The following SLC9B1 variants were observed in gnomAD, a reference collection of about 807,000 sequenced individuals.
The protein encoded by SLC9B1 is sodium/hydrogen exchanger 9B1.
Under a neutral mutation model 51.7 loss-of-function variants are expected in SLC9B1, and 32 were observed. The ratio of observed to expected loss-of-function variants is 0.62; its 90% CI spans 0.47 to 0.83. The LOEUF (loss-of-function observed/expected upper bound fraction) is 0.83. Ranked by LOEUF, SLC9B1 falls within the 40% of genes least tolerant of loss-of-function variation. The pLI, the probability that SLC9B1 is intolerant of heterozygous loss-of-function variation, is 0.00. For synonymous variants in SLC9B1, 145 were observed against 212.7 expected, an observed-to-expected ratio of 0.68 and a Z score of 2.77; for missense variants, 406 against 613.2, an observed-to-expected ratio of 0.66 and a Z score of 3.57.
chr4:102,999,976 C>T (rs1319254583), intron 1 of SLC9B1, among the ~76,000 whole-genome samples: 1 of 152,190 alleles, frequency 6.6e-6, no homozygotes, highest in East Asian at 1.9e-4. Context: ...CAAGGACCCT[C>T]TTCACATGGT....
At chr4:102,912,885 A>AAT (rs1469491085) in intron 7 of SLC9B1, among the ~76,000 whole-genome samples, 1 of 152,182 alleles carries the variant, frequency 6.6e-6, no homozygotes, top group African/African-American at 2.4e-5. Flanking sequence ...AATAAAAAAT[A>AAT]ATATAAACAG....
intron 3 of SLC9B1, among the ~76,000 whole-genome samples, chr4:102,979,469 G>T (rs1424790665): frequency 6.6e-6 from 1 of 152,154 alleles, no homozygotes; most frequent in Non-Finnish European, 1.5e-5. Context: ...TCATGATAGT[G>T]TTTTTGAGGC....
intron 3 of SLC9B1, among the ~76,000 whole-genome samples, chr4:102,984,051 T>A (rs1199153004): frequency 6.6e-6 from 1 of 152,136 alleles, no homozygotes; most frequent in Non-Finnish European, 1.5e-5. Flanking sequence ...TCATTGCTTT[T>A]GCTGCATCCC....
chr4:102,985,927 A>C (rs1286839507), intron 3 of SLC9B1, among the ~76,000 whole-genome samples: 1 of 152,184 alleles, frequency 6.6e-6, no homozygotes, highest in Admixed American at 6.6e-5. Context: ...TATTGCTCTC[A>C]TTCATTTCCC....
At chr4:102,887,915 CTT>C (rs1560907635) in intron 11 of SLC9B1, 1 of 158,050 alleles carries the variant, frequency 6.3e-6, no homozygotes, top group African/African-American at 2.4e-5. Flanking sequence ...GAGATAGACT[CTT>C]TGCTTTATAG....
At chr4:102,890,933 T>G (rs1734218867) in intron 11 of SLC9B1, 1 of 147,154 alleles carries the variant, frequency 6.8e-6, no homozygotes, top group Non-Finnish European at 1.5e-5. Flanking sequence ...GAAACCAATA[T>G]AAATATCTCA....
intron 3 of SLC9B1, among the ~76,000 whole-genome samples, chr4:102,958,339 G>T (rs1191905945): frequency 6.6e-6 from 1 of 152,144 alleles, no homozygotes; most frequent in African/African-American, 2.4e-5. Flanking sequence ...TGCCATGATT[G>T]TAAGCTTCCT....
At chr4:102,973,801 G>A (rs1738885672) in intron 3 of SLC9B1, among the ~76,000 whole-genome samples, 1 of 152,136 alleles carries the variant, frequency 6.6e-6, no homozygotes, top group South Asian at 2.1e-4. Context: ...AAAATCAGAA[G>A]ATATTTGGAA....
Position 102,969,344 on chromosome 4 carries a change from CA to C in SLC9B1, c.212-19918del, listed in dbSNP as rs1237399851. Among the ~76,000 whole-genome samples the C allele has an allele frequency of 1.3e-5, 2 of 152,192 alleles. 1 individual carries two copies. Among genetic ancestry groups the C allele is most frequent in the Non-Finnish European group, 2.9e-5 (2 of 68,030 alleles). On this transcript the variant is annotated intron_variant, in intron 3 of 11. Transcript: ENST00000296422. ...GCAGCCTCCAATGGTGACACCCAGG[CA>C]AACAGGGTCTGGAGTGGACCTCCAG...
intron 6 of SLC9B1, among the ~76,000 whole-genome samples, chr4:102,932,971 T>A (rs1330628024): frequency 6.6e-6 from 1 of 151,984 alleles, no homozygotes; most frequent in Non-Finnish European, 1.5e-5. Flanking sequence ...ATTTCTGGAG[T>A]GGTTGATGAC....
chr4:102,915,640 C>A (rs1735541837), intron 7 of SLC9B1, among the ~76,000 whole-genome samples: 1 of 152,220 alleles, frequency 6.6e-6, no homozygotes, highest in Admixed American at 6.5e-5. Context: ...ATTTTGGCCT[C>A]TCAAAGTGCT....
intron 1 of SLC9B1, among the ~76,000 whole-genome samples, chr4:103,008,990 G>A (rs184194832): frequency 2.0e-5 from 3 of 151,818 alleles, no homozygotes; most frequent in Admixed American, 6.6e-5. Context: ...TAGTAGAGAC[G>A]GGTTTCACCG....
intron 11 of SLC9B1, chr4:102,889,004 CTA>C (rs1425395471): frequency 6.6e-6 from 1 of 152,170 alleles, no homozygotes; most frequent in Non-Finnish European, 1.5e-5. Flanking sequence ...AGAAATAAAA[CTA>C]ATTGTTATTG....
rs143367424 is a variant in SLC9B1 at position 102,959,613 on chromosome 4, G to A, written c.212-10186C>T. ...CTCTTTTTGCATTGAGATTTTGCTT[G>A]AATATCAATAGACAAGACAAGGGAG... On this transcript the variant is annotated intron_variant, in intron 3 of 11. Transcript: ENST00000296422. Among the ~76,000 whole-genome samples, 269 of 152,230 alleles carry A rather than the reference G, an allele frequency of 1.8e-3. 1 individual carries two copies. The highest frequency in any genetic ancestry group is 5.9e-3 in the African/African-American group (247 of 41,548).
chr4:103,013,813 T>C (rs1741193015), intron 1 of SLC9B1, among the ~76,000 whole-genome samples: 1 of 152,228 alleles, frequency 6.6e-6, no homozygotes, highest in Non-Finnish European at 1.5e-5. Context: ...AGTGAATTAC[T>C]AAATCATGTT....
intron 3 of SLC9B1, among the ~76,000 whole-genome samples, chr4:102,985,381 T>C (rs1292729711): frequency 6.6e-6 from 1 of 152,188 alleles, no homozygotes; most frequent in Non-Finnish European, 1.5e-5. Context: ...CCTACTTTTG[T>C]CTTCCATTCT....
At chr4:102,970,427 C>A (rs1449822268) in intron 3 of SLC9B1, among the ~76,000 whole-genome samples, 2 of 152,180 alleles carry the variant, frequency 1.3e-5, no homozygotes, top group Non-Finnish European at 2.9e-5. Flanking sequence ...CCTTTACAGA[C>A]AAGCAAATGC....
intron 7 of SLC9B1, among the ~76,000 whole-genome samples, chr4:102,919,042 C>T (rs1201577645): frequency 1.3e-5 from 2 of 152,204 alleles, no homozygotes; most frequent in Non-Finnish European, 2.9e-5. Flanking sequence ...CCCAAGACTG[C>T]ACAGAGCAGC....
At chr4:103,008,135 T>C (rs1740886694) in intron 1 of SLC9B1, among the ~76,000 whole-genome samples, 1 of 152,224 alleles carries the variant, frequency 6.6e-6, no homozygotes, top group African/African-American at 2.4e-5. Context: ...TAGATATAAG[T>C]ACATACATAA....
Sources: allele counts gnomAD v4.1 joint callset (sites outside exome capture counted in the v4.1 genomes callset), GRCh38; gene constraint gnomAD v4.1.1; transcripts MANE v1.5; gene names NCBI Gene and HGNC (gene_info 2026-07-23, HGNC 2026-07-21).